The following BPHL variants were observed in gnomAD, a reference collection of about 807,000 sequenced individuals.
BPHL encodes the protein serine hydrolase BPHL.
Under a neutral mutation model 31.2 loss-of-function variants are expected in BPHL, and 27 were observed. The observed-to-expected ratio is 0.87, with a 90% CI of 0.64 to 1.19. The LOEUF is 1.19. Among genes scored for constraint, BPHL ranks in the 50% most tolerant of loss-of-function variants. The probability of loss-of-function intolerance (pLI) is 0.00; values close to 1 mark genes in which losing one functional copy is unlikely to be tolerated. For synonymous variants in BPHL, 150 were observed against 146.8 expected (o/e 1.02, Z -0.16); for missense variants, 356 against 375.7 (o/e 0.95, Z 0.43).
chr6:3,139,626 G>A (rs543095895), intron 5 of BPHL: 3 of 152,446 alleles, frequency 2.0e-5, no homozygotes, highest in East Asian at 1.9e-4. Context: ...CACACACGGA[G>A]AGGGAATGGA....
At chr6:3,119,461 C>A (rs1479141164) in intron 1 of BPHL, 1 of 1,613,630 alleles carries the variant, frequency 6.2e-7, no homozygotes, top group African/African-American at 1.3e-5. Flanking sequence ...GTGGAGATGC[C>A]CAGGAATCTG....
intron 4 of BPHL, 104 bp downstream of exon 4, chr6:3,129,302 T>C: frequency 7.4e-7 from 1 of 1,357,964 alleles, no homozygotes; most frequent in Non-Finnish European, 9.7e-7. Flanking sequence ...CTCTCGTGCT[T>C]CTAGTTCTCA....
At chr6:3,142,471 C>A (rs1762207155) in intron 6 of BPHL, among the ~76,000 whole-genome samples, 1 of 152,042 alleles carries the variant, frequency 6.6e-6, no homozygotes, top group African/African-American at 2.4e-5. Flanking sequence ...TATACGTTTG[C>A]AGTGTACAAA....
At chr6:3,121,562 C>T (rs1327499467) in intron 1 of BPHL, among the ~76,000 whole-genome samples, 1 of 152,052 alleles carries the variant, frequency 6.6e-6, no homozygotes, top group Non-Finnish European at 1.5e-5. Flanking sequence ...CGTGATCCAC[C>T]CACCTGGGCC....
intron 3 of BPHL, 37 bp from the exon 4 acceptor site, chr6:3,129,008 A>G (rs781342879): frequency 5.0e-5 from 80 of 1,614,128 alleles, no homozygotes; most frequent in Admixed American, 8.3e-5. Flanking sequence ...AGAGAGGAGC[A>G]ATAACCCGTG....
At chr6:3,123,599 C>A in intron 1 of BPHL, 58 bp from the exon 2 acceptor site, 1 of 1,483,350 alleles carries the variant, frequency 6.7e-7, no homozygotes, top group Non-Finnish European at 9.4e-7. Flanking sequence ...TTTGAATCAA[C>A]TAAGAAATCT....
At chr6:3,119,178 G>T (rs1008827892) in intron 1 of BPHL, 7 of 1,079,794 alleles carry the variant, frequency 6.5e-6, no homozygotes, top group Admixed American at 2.0e-5. Flanking sequence ...GGACTCACCC[G>T]TGACGGAGCA....
rs150230595 is a variant in BPHL, at chr6:3,129,047, G to A, written c.381G>A (p.Ala127=). The A allele has an allele frequency of 3.1e-5, 50 of 1,614,246 alleles. No individual in the cohort carries two copies. In the African/African-American group the frequency reaches 5.1e-4, roughly 16 times the overall value. ...TGCATTTTGTCGTATGATCATAGGC[G>A]CTGAAGTTTAAGAAGGTTTCTCTGC... ...DAKDAVDLMK[A]LKFKKVSLLG... The change falls in exon 4 of 7, where the codon GCG becomes GCA. Residue 127 remains alanine (A), a splice_region_variant and synonymous_variant. Coordinates refer to ENST00000380379, the MANE Select transcript of BPHL (RefSeq NM_004332.4).
At chr6:3,143,881 A>G (rs557710263) in intron 6 of BPHL, among the ~76,000 whole-genome samples, 1 of 152,158 alleles carries the variant, frequency 6.6e-6, no homozygotes, top group African/African-American at 2.4e-5. Context: ...ACTGCAAACG[A>G]TGAGTCCCTC....
At chr6:3,144,369 C>CTTTT in intron 6 of BPHL, among the ~76,000 whole-genome samples, 1 of 97,282 alleles carries the variant, frequency 1.0e-5, no homozygotes, top group African/African-American at 4.4e-5. Context: ...ACTTGGCCTT[C>CTTTT]TTCTTTTTTT....
At chr6:3,133,721 A>G (rs1307900253) in intron 4 of BPHL, among the ~76,000 whole-genome samples, 1 of 151,996 alleles carries the variant, frequency 6.6e-6, no homozygotes, top group Non-Finnish European at 1.5e-5. Context: ...GGAAGCCCTC[A>G]CCGCCGCCAC....
chr6:3,147,035 T>G (rs1762404681), intron 6 of BPHL, among the ~76,000 whole-genome samples: 1 of 152,172 alleles, frequency 6.6e-6, no homozygotes, highest in Non-Finnish European at 1.5e-5. Flanking sequence ...TATTTGTACA[T>G]TTGGACTTAA....
At chr6:3,120,553 C>T (rs145883320) in intron 1 of BPHL, among the ~76,000 whole-genome samples, 1 of 152,308 alleles carries the variant, frequency 6.6e-6, no homozygotes, top group East Asian at 1.9e-4. Context: ...AGCTCAGTGT[C>T]AGTAGGTAAA....
intron 5 of BPHL, chr6:3,139,436 G>A (rs1481141985): frequency 3.9e-5 from 6 of 152,232 alleles, no homozygotes. Context: ...CGGGACAGGA[G>A]AGGGAAGTGT....
chr6:3,130,681 A>G (rs973521099), intron 4 of BPHL, among the ~76,000 whole-genome samples: 3 of 152,112 alleles, frequency 2.0e-5, no homozygotes, highest in Admixed American at 6.5e-5. Flanking sequence ...TAAAATATTT[A>G]TTTACTCTCT....
intron 1 of BPHL, among the ~76,000 whole-genome samples, chr6:3,122,903 T>C (rs934418463): frequency 1.3e-5 from 2 of 152,212 alleles, no homozygotes; most frequent in African/African-American, 4.8e-5. Flanking sequence ...TCTTTGGGAA[T>C]GTCACCAAGG....
chr6:3,136,932 A>T (rs916245891), intron 4 of BPHL, among the ~76,000 whole-genome samples: 2 of 152,184 alleles, frequency 1.3e-5, no homozygotes, highest in Non-Finnish European at 2.9e-5. Context: ...TGCAATGCAG[A>T]AAAAAACTCC....
rs776025013 is a variant in BPHL at position 3,137,490 on chromosome 6, G to A, written c.661G>A (p.Asp221Asn). Residue 221 changes from aspartate (D) to asparagine (N), a missense_variant, in exon 5 of 7, where the codon GAT (aspartate) becomes AAT (asparagine). Asp to Asn is a conservative substitution (Grantham distance 23). Transcript: ENST00000380379. Reference sequence around the variant, plus strand: ...CATAAGACAGTTTAAACATCTCCCAGATGGTAGGTTACTGGGCTTGAAGGG... The same window carrying A: ...CATAAGACAGTTTAAACATCTCCCAAATGGTAGGTTACTGGGCTTGAAGGG... ...DGIRQFKHLP[D>N]GNICRHLLPR... is the part of the protein sequence containing the mutation. The A allele has an allele frequency of 6.2e-7, 1 of 1,613,828 alleles. No homozygotes were observed. Among genetic ancestry groups the A allele is most frequent in the Non-Finnish European group, 8.5e-7 (1 of 1,179,954 alleles).
chr6:3,124,508 T>A (rs1200914895), intron 2 of BPHL, among the ~76,000 whole-genome samples: 1 of 152,204 alleles, frequency 6.6e-6, no homozygotes, highest in Non-Finnish European at 1.5e-5. Flanking sequence ...AATCTGAGGA[T>A]CCTCAAGTCC....
Sources: allele counts gnomAD v4.1 joint callset (sites outside exome capture counted in the v4.1 genomes callset), GRCh38; gene constraint gnomAD v4.1.1; transcripts MANE v1.5; gene names NCBI Gene and HGNC (gene_info 2026-07-23, HGNC 2026-07-21).